The following POC1A variants were observed in gnomAD, a reference collection of about 807,000 sequenced individuals.
POC1A encodes POC1 centriolar protein homolog A.
A neutral mutation model predicts 47.8 loss-of-function variants in POC1A; 34 were observed. The ratio of observed to expected loss-of-function variants is 0.71; its 90% CI spans 0.54 to 0.95. POC1A has a LOEUF of 0.95. POC1A is among the 40% of genes least tolerant of loss of function. The pLI is 0.00. For missense variants in POC1A, 466 were observed against 528.3 expected (o/e 0.88, Z 1.16); for synonymous variants, 177 against 207.6 (o/e 0.85, Z 1.27).
chr3:52,081,429 G>A (rs986581111), intron 10 of POC1A, among the ~76,000 whole-genome samples: 1 of 152,208 alleles, frequency 6.6e-6, no homozygotes, highest in African/African-American at 2.4e-5. Context: ...ACTCGGCTGA[G>A]CCCACAGGGT....
At chr3:52,088,039 A>G (rs1360796398) in intron 10 of POC1A, among the ~76,000 whole-genome samples, 1 of 152,226 alleles carries the variant, frequency 6.6e-6, no homozygotes, top group Non-Finnish European at 1.5e-5. Context: ...ATTTCTTCAG[A>G]GGCTGACTTT....
At position 52,090,380 on chromosome 3, in the gene POC1A, C is replaced by T. The variant is rs1702604248; in HGVS notation, c.1125+6189G>A. 1.3e-5 allele frequency among the ~76,000 whole-genome samples: 2 copies of T among 152,246 alleles called. No homozygotes were observed. Among genetic ancestry groups the T allele is most frequent in the South Asian group, 2.1e-4 (1 of 4,836 alleles). ...GGCTTCTGAGGCAAAACCACCAAGC[C>T]GCGTGTTGGGCCTATGCCGGGCCCC... On this transcript the variant is annotated intron_variant, in intron 10 of 10. Coordinates refer to ENST00000296484, the MANE Select transcript of POC1A (RefSeq NM_015426.5). The surrounding 1 kb of genome is among the most constrained non-coding windows in gnomAD (Gnocchi z 4.2).
chr3:52,105,062 A>G (rs528853904), intron 9 of POC1A, among the ~76,000 whole-genome samples: 1 of 152,350 alleles, frequency 6.6e-6, no homozygotes, highest in Admixed American at 6.5e-5. Context: ...CTGAAACTGT[A>G]ATAAACAAAA....
chr3:52,154,243 C>T (rs1698651278), intron 1 of POC1A, 112 bp downstream of exon 1: 3 of 1,216,592 alleles, frequency 2.5e-6, no homozygotes, highest in Non-Finnish European at 2.3e-6. Context: ...AAGAGGACCA[C>T]CCTGGAACCT....
chr3:52,150,008 T>C (rs745650778), intron 2 of POC1A, 21 bp from the exon 3 acceptor site: 1 of 1,604,704 alleles, frequency 6.2e-7, no homozygotes, highest in Non-Finnish European at 8.5e-7. Flanking sequence ...TGGGTGATGC[T>C]ATGACCTACA....
chr3:52,100,628 TAACA>T (rs980771712), intron 9 of POC1A, among the ~76,000 whole-genome samples: 5 of 152,114 alleles, frequency 3.3e-5, no homozygotes, highest in Non-Finnish European at 5.9e-5. Flanking sequence ...GTTACAGTTT[TAACA>T]AACTGCTGGA....
intron 9 of POC1A, among the ~76,000 whole-genome samples, chr3:52,113,616 C>A (rs1032456250): frequency 6.6e-6 from 1 of 152,142 alleles, no homozygotes; most frequent in South Asian, 2.1e-4. Flanking sequence ...ACAGGAGAAT[C>A]GCTTGAACTC....
intron 7 of POC1A, among the ~76,000 whole-genome samples, chr3:52,134,828 A>G (rs901340593): frequency 6.6e-6 from 1 of 151,308 alleles, no homozygotes; most frequent in African/African-American, 2.4e-5. Flanking sequence ...ATGCTTTCCA[A>G]TCTGCCATCC....
At chr3:52,146,917 G>T in intron 5 of POC1A, 71 bp downstream of exon 5, 3 of 1,238,740 alleles carry the variant, frequency 2.4e-6, no homozygotes, top group Admixed American at 1.7e-5. Flanking sequence ...AGGCCACTGG[G>T]CCTCCTCATG....
intron 8 of POC1A, among the ~76,000 whole-genome samples, chr3:52,124,153 G>A (rs1012695857): frequency 6.6e-6 from 1 of 152,258 alleles, no homozygotes; most frequent in Non-Finnish European, 1.5e-5. Context: ...CTGGGCAGTA[G>A]TGGAATAAAC....
chr3:52,140,739 C>T (rs1027527827), intron 6 of POC1A, among the ~76,000 whole-genome samples: 3 of 152,362 alleles, frequency 2.0e-5, no homozygotes, highest in Admixed American at 2.0e-4. Context: ...CCTTTCCCCA[C>T]TTGCTCTCCT....
rs145655285 is a variant in POC1A, at chr3:52,149,691, T to C, written c.275+125A>G. ...TGCAGCCCCAGCCTCTGATGGCACC[T>C]CTTCCAAAGCAGAGTAGAAGTCCCA... On this transcript the variant is annotated intron_variant, in intron 3 of 10. Transcript: ENST00000296484. 27 of 934,482 alleles carry C rather than the reference T, an allele frequency of 2.9e-5. No homozygotes were observed. In the East Asian group the frequency reaches 6.7e-4, roughly 23 times the overall value. 57.9% of individuals were successfully genotyped at this position (934,482 alleles called of 1,614,324 possible).
chr3:52,150,019 G>A (rs775375658), intron 2 of POC1A, 32 bp from the exon 3 acceptor site: 13 of 1,580,194 alleles, frequency 8.2e-6, no homozygotes, highest in Non-Finnish European at 1.1e-5. Flanking sequence ...ATGACCTACA[G>A]CTCTAACAGG....
chr3:52,149,762 C>T, intron 3 of POC1A, 54 bp downstream of exon 3: 2 of 1,544,566 alleles, frequency 1.3e-6, no homozygotes, highest in Non-Finnish European at 1.8e-6. Flanking sequence ...GTGGGGATGG[C>T]TCTGGCACCA....
chr3:52,127,608 T>C (rs1286846296), intron 7 of POC1A, among the ~76,000 whole-genome samples: 1 of 151,940 alleles, frequency 6.6e-6, no homozygotes, highest in Non-Finnish European at 1.5e-5. Flanking sequence ...TTAGCCAGGA[T>C]GGTCTCGATC....
intron 9 of POC1A, among the ~76,000 whole-genome samples, chr3:52,118,701 C>T (rs1703660383): frequency 6.6e-6 from 1 of 152,198 alleles, no homozygotes; most frequent in Non-Finnish European, 1.5e-5. Context: ...AGGAATTCAA[C>T]ACCTACACCT....
intron 6 of POC1A, 88 bp downstream of exon 6, chr3:52,145,758 T>G (rs1159178751): frequency 2.4e-6 from 2 of 829,192 alleles, no homozygotes; most frequent in South Asian, 1.5e-5. Context: ...CTCAGACCCA[T>G]TTAAGCACTA....
intron 10 of POC1A, among the ~76,000 whole-genome samples, chr3:52,089,873 G>A (rs1702589124): frequency 6.6e-6 from 1 of 151,776 alleles, no homozygotes; most frequent in African/African-American, 2.4e-5. Context: ...GCCCACATCA[G>A]GGCCAGGCAC....
chr3:52,126,504 C>T (rs201186400), intron 7 of POC1A, among the ~76,000 whole-genome samples: 2 of 152,184 alleles, frequency 1.3e-5, no homozygotes, highest in South Asian at 4.1e-4. Context: ...TGGTGAACAC[C>T]GAGCACTCAG....
Sources: gnomAD v4.1 joint callset for allele counts (sites outside exome capture counted in the v4.1 genomes callset) on GRCh38, gnomAD v4.1.1 for gene constraint, Gnocchi (gnomAD v3.1) non-coding constraint, MANE v1.5 for transcripts, NCBI Gene and HGNC (gene_info 2026-07-23, HGNC 2026-07-21) for gene names.